The following SLC13A3 variants were observed in gnomAD, a reference collection of about 807,000 sequenced individuals.
SLC13A3 encodes the protein solute carrier family 13 member 3.
In SLC13A3, 40 loss-of-function variants were observed where a neutral mutation model predicts 59.0. The ratio of observed to expected loss-of-function variants is 0.68; its 90% CI spans 0.53 to 0.88. The LOEUF (loss-of-function observed/expected upper bound fraction) is 0.88. SLC13A3 is among the 40% of genes least tolerant of loss of function. The pLI is 0.00. For synonymous variants in SLC13A3, 317 were observed against 330.3 expected (o/e 0.96, Z 0.44); for missense variants, 699 against 783.2 (o/e 0.89, Z 1.28).
chr20:46,651,495 G>A, upstream of SLC13A3: 5 of 1,351,488 alleles, frequency 3.7e-6, no homozygotes, highest in Middle Eastern at 2.7e-4. Context: ...TAAAGCCTGG[G>A]GGAGGGTCGG....
chr20:46,600,745 G>C (rs2062372192), intron 3 of SLC13A3: 1 of 197,310 alleles, frequency 5.1e-6, no homozygotes, highest in African/African-American at 2.3e-5. Flanking sequence ...GGTACTCTGT[G>C]AACAATATAG....
At chr20:46,614,126 C>A (rs2062531856) in intron 1 of SLC13A3, among the ~76,000 whole-genome samples, 1 of 152,114 alleles carries the variant, frequency 6.6e-6, no homozygotes, top group Admixed American at 6.5e-5. Flanking sequence ...GGAAGCCAAT[C>A]CAGAGAGTGT....
At chr20:46,594,322 A>G (rs1464556156) in intron 5 of SLC13A3, among the ~76,000 whole-genome samples, 2 of 152,104 alleles carry the variant, frequency 1.3e-5, no homozygotes, top group East Asian at 3.8e-4. Flanking sequence ...TATAAAAAAT[A>G]TAATTTCCCC....
chr20:46,638,423 CG>C (rs1028932309), intron 1 of SLC13A3, among the ~76,000 whole-genome samples: 9 of 152,206 alleles, frequency 5.9e-5, no homozygotes, highest in African/African-American at 2.4e-5. Context: ...AGGAGAGAAG[CG>C]GGGCCGTGGG....
intron 2 of SLC13A3, among the ~76,000 whole-genome samples, chr20:46,611,828 T>C (rs757582738): frequency 2.0e-5 from 3 of 152,154 alleles, no homozygotes; most frequent in Non-Finnish European, 4.4e-5. Flanking sequence ...ATGAGACGTA[T>C]TTGAAATAAA....
At chr20:46,571,606 A>G (rs1432809214) in intron 10 of SLC13A3, among the ~76,000 whole-genome samples, 1 of 152,172 alleles carries the variant, frequency 6.6e-6, no homozygotes, top group East Asian at 1.9e-4. Context: ...TGCCTAGAAC[A>G]GTGGTGGGTA....
chr20:46,669,865 C>A (rs1310647488), intron 1 of SLC13A3, among the ~76,000 whole-genome samples: 2 of 151,998 alleles, frequency 1.3e-5, no homozygotes. Flanking sequence ...GTATTAAGTG[C>A]CTTTTAACTT....
At chr20:46,651,573 C>T (rs2062952765), upstream of SLC13A3, 6 of 1,299,920 alleles carry the variant, frequency 4.6e-6, no homozygotes, top group South Asian at 1.1e-4. Context: ...GGTGCCTGCG[C>T]CCCTGGGACC....
chr20:46,613,758 C>G, intron 1 of SLC13A3, 33 bp from the exon 2 acceptor site: 5 of 1,428,152 alleles, frequency 3.5e-6, no homozygotes, highest in South Asian at 2.9e-5. Context: ...AGAGGGTCAG[C>G]GGGGCTCGGG....
rs368814380 is a variant in SLC13A3, at chr20:46,592,471, G to C, written c.853C>G (p.Leu285Val). Reference sequence around the variant, plus strand: ...CCTGCCAACAGGAACAACAGCATAAGAGGGAAGGCGAAAATGAACCAGGAG... The same window carrying C: ...CCTGCCAACAGGAACAACAGCATAACAGGGAAGGCGAAAATGAACCAGGAG... ...FGSWFIFAFP[L>V]MLLFLLAGWL... Residue 285 changes from leucine to valine, a missense_variant, in exon 6 of 13, where the codon CTT (leucine) becomes GTT (valine). Coordinates refer to ENST00000279027, the MANE Select transcript of SLC13A3 (RefSeq NM_022829.6). 22 of 1,613,870 alleles carry C rather than the reference G, an allele frequency of 1.4e-5. No individual in the cohort carries two copies. The highest frequency in any genetic ancestry group is 1.6e-4 in the Middle Eastern group (1 of 6,082).
chr20:46,599,578 T>G (rs537319969), intron 4 of SLC13A3, among the ~76,000 whole-genome samples: 1 of 152,236 alleles, frequency 6.6e-6, no homozygotes, highest in East Asian at 1.9e-4. Context: ...TCATGTAGGG[T>G]GAAGGGCTGT....
At chr20:46,620,839 G>A (rs1036938052) in intron 1 of SLC13A3, among the ~76,000 whole-genome samples, 2 of 152,068 alleles carry the variant, frequency 1.3e-5, no homozygotes, top group Non-Finnish European at 2.9e-5. Flanking sequence ...CAAGACCACT[G>A]CACCGAGATC....
At chr20:46,664,751 T>C (rs1228239613) in intron 1 of SLC13A3, among the ~76,000 whole-genome samples, 1 of 152,092 alleles carries the variant, frequency 6.6e-6, no homozygotes, top group Non-Finnish European at 1.5e-5. Context: ...AAGCTGTCCA[T>C]GAAGAGGACC....
At chr20:46,643,181 T>C (rs1228899695) in intron 1 of SLC13A3, among the ~76,000 whole-genome samples, 1 of 152,060 alleles carries the variant, frequency 6.6e-6, no homozygotes, top group East Asian at 1.9e-4. Flanking sequence ...TGTGAGCTTA[T>C]ACCCCATGGG....
At chr20:46,669,268 C>G (rs998026361) in intron 1 of SLC13A3, among the ~76,000 whole-genome samples, 1 of 151,838 alleles carries the variant, frequency 6.6e-6, no homozygotes, top group African/African-American at 2.4e-5. Context: ...GTGTTCCACC[C>G]CCCTCGTGGA....
chr20:46,598,250 T>A (rs1460400053), intron 4 of SLC13A3, among the ~76,000 whole-genome samples: 1 of 152,176 alleles, frequency 6.6e-6, no homozygotes, highest in Admixed American at 6.5e-5. Context: ...ATTTCCAGTA[T>A]GACAGGAAGG....
At chr20:46,637,743 G>T (rs1568950431) in intron 1 of SLC13A3, among the ~76,000 whole-genome samples, 1 of 152,150 alleles carries the variant, frequency 6.6e-6, no homozygotes, top group Admixed American at 6.5e-5. Context: ...CAGAGGAGGA[G>T]ACTGAGGCAC....
chr20:46,595,289 G>T (rs534244557), intron 5 of SLC13A3, among the ~76,000 whole-genome samples: 3 of 152,354 alleles, frequency 2.0e-5, no homozygotes, highest in East Asian at 1.9e-4. Context: ...GCGGCACGTT[G>T]TGCAGTTGGA....
At chr20:46,626,016 C>A (rs139867478) in intron 1 of SLC13A3, among the ~76,000 whole-genome samples, 1 of 151,804 alleles carries the variant, frequency 6.6e-6, no homozygotes, top group Non-Finnish European at 1.5e-5. Flanking sequence ...TCCTTTTGTG[C>A]GATGTATTCA....
Sources: allele counts gnomAD v4.1 joint callset (sites outside exome capture counted in the v4.1 genomes callset), GRCh38; gene constraint gnomAD v4.1.1; transcripts MANE v1.5; gene names NCBI Gene and HGNC (gene_info 2026-07-23, HGNC 2026-07-21).